Variants in PTPRG observed in about 807,000 individuals in gnomAD.
PTPRG encodes the protein protein tyrosine phosphatase receptor type G.
PTPRG carries 102 observed loss-of-function variants against 165.3 expected under a neutral mutation model. That is an observed-to-expected ratio of 0.62 (90% CI 0.53 to 0.73). The LOEUF is 0.73. Among genes scored for constraint, PTPRG ranks in the 30% least tolerant of loss-of-function variants. The pLI, the probability that PTPRG is intolerant of heterozygous loss-of-function variation, is 0.00. For synonymous variants in PTPRG, 675 were observed against 669.5 expected (o/e 1.01, Z -0.13); for missense variants, 1,866 against 1,861.4 (o/e 1.00, Z -0.05).
At chr3:61,584,043 G>T (rs911026443) in intron 1 of PTPRG, among the ~76,000 whole-genome samples, 4 of 152,150 alleles carry the variant, frequency 2.6e-5, no homozygotes, top group African/African-American at 9.7e-5. Context: ...TCTTTGTTTG[G>T]TTTTTCGAGT....
chr3:62,007,242 A>G (rs1252568274), intron 4 of PTPRG, among the ~76,000 whole-genome samples: 3 of 152,266 alleles, frequency 2.0e-5, no homozygotes, highest in Admixed American at 1.3e-4. Context: ...CTTTGAGGTC[A>G]TCTGAGACAA....
At chr3:61,595,993 TC>T (rs1700690868) in intron 1 of PTPRG, among the ~76,000 whole-genome samples, 1 of 152,150 alleles carries the variant, frequency 6.6e-6, no homozygotes, top group African/African-American at 2.4e-5. Context: ...TAGCCTACGT[TC>T]AAGGCAAAAA....
chr3:61,608,636 G>A (rs1701080529), intron 1 of PTPRG, among the ~76,000 whole-genome samples: 1 of 152,220 alleles, frequency 6.6e-6, no homozygotes, highest in South Asian at 2.1e-4. Flanking sequence ...TCAATCAGCT[G>A]GCTCTGGAAG....
chr3:62,281,538 C>CTTGTTTTTTTTTTTTTTTTTTTTTTT lies in PTPRG; in HGVS notation c.3766-23_3766-22insGTTTTTTTTTTTTTTTTTTTTTTTTT. ...CAAATCCTTGACAGAACTGCAGAGGCTTTTTTTTTTTTTGGATTCCAAAGG... is the reference window on the plus strand; with the variant it reads ...CAAATCCTTGACAGAACTGCAGAGGCTTGTTTTTTTTTTTTTTTTTTTTTTTTTTTTTTTTTTTTGGATTCCAAAGG... On this transcript the variant is annotated intron_variant, in intron 26 of 29. Transcript: ENST00000474889. 1.3e-5 allele frequency: 8 copies of CTTGTTTTTTTTTTTTTTTTTTTTTTT among 620,524 alleles called. 2 individuals are homozygous for CTTGTTTTTTTTTTTTTTTTTTTTTTT. Among genetic ancestry groups the CTTGTTTTTTTTTTTTTTTTTTTTTTT allele is most frequent in the East Asian group, 2.3e-4 (2 of 8,878 alleles). The allele number at this position is 620,524 out of a possible 1,614,324, so 38.4% of individuals were successfully genotyped here.
chr3:62,290,567 T>C (rs1035694895), intron 28 of PTPRG, among the ~76,000 whole-genome samples: 10 of 151,602 alleles, frequency 6.6e-5, no homozygotes. Flanking sequence ...CGTGGGGAGG[T>C]ACAAAAAATA....
intron 2 of PTPRG, among the ~76,000 whole-genome samples, chr3:61,839,507 C>A (rs1443717344): frequency 3.3e-5 from 5 of 152,180 alleles, no homozygotes; most frequent in African/African-American, 9.7e-5. Context: ...GAAGGACCAG[C>A]TCCAAGAGCC....
At chr3:61,953,793 TGTGTATGTAGAGTAAGAAGTTC>T (rs1192697793) in intron 2 of PTPRG, among the ~76,000 whole-genome samples, 1 of 152,198 alleles carries the variant, frequency 6.6e-6, no homozygotes, top group East Asian at 1.9e-4. Context: ...AAAACCCTTC[TGTGTATGTAGAGTAAGAAGTTC>T]TACTCTAAAG....
intron 1 of PTPRG, among the ~76,000 whole-genome samples, chr3:61,608,909 A>C (rs1701087511): frequency 6.6e-6 from 1 of 152,202 alleles, no homozygotes; most frequent in African/African-American, 2.4e-5. Flanking sequence ...ATAATACTCC[A>C]TCTGAGGTCT....
chr3:62,065,076 G>A (rs1052852852), intron 4 of PTPRG, among the ~76,000 whole-genome samples: 3 of 148,198 alleles, frequency 2.0e-5, no homozygotes, highest in Non-Finnish European at 4.5e-5. Context: ...CCATCCAATG[G>A]TAAAAAATAA....
At chr3:62,253,889 T>G (rs1173099607) in intron 15 of PTPRG, among the ~76,000 whole-genome samples, 1 of 152,214 alleles carries the variant, frequency 6.6e-6, no homozygotes, top group Non-Finnish European at 1.5e-5. Context: ...TAAGTAACAT[T>G]TCTATGCTAA....
intron 1 of PTPRG, among the ~76,000 whole-genome samples, chr3:61,702,693 G>A (rs1318954455): frequency 6.6e-6 from 1 of 152,108 alleles, no homozygotes; most frequent in African/African-American, 2.4e-5. Flanking sequence ...CCCCCCACCA[G>A]GTAACCACTA....
intron 2 of PTPRG, among the ~76,000 whole-genome samples, chr3:61,878,584 C>G (rs1575746089): frequency 6.6e-6 from 1 of 152,302 alleles, no homozygotes; most frequent in East Asian, 1.9e-4. Flanking sequence ...GCCTCAACCT[C>G]CTAGGCTCAA....
rs572493929 is a variant in PTPRG at position 62,047,727 on chromosome 3, A to G, written c.520-30436A>G. On this transcript the variant is annotated intron_variant, in intron 4 of 29. Transcript: ENST00000474889. ...GCTGGATGTCAATGCTGAGCTCCTC[A>G]GAGATAGTACATGCCTCAGGATGGT... Among the ~76,000 whole-genome samples, 7 of 152,304 alleles carry G rather than the reference A, an allele frequency of 4.6e-5. No individual in the cohort carries two copies. The East Asian group carries it at 1.3e-3, about 29-fold the overall frequency.
At chr3:61,918,471 G>A (rs1459749743) in intron 2 of PTPRG, among the ~76,000 whole-genome samples, 3 of 152,018 alleles carry the variant, frequency 2.0e-5, no homozygotes, top group Non-Finnish European at 2.9e-5. Flanking sequence ...AGATACTGTT[G>A]GGTGTTTGAG....
chr3:61,945,023 A>G (rs1377854499), intron 2 of PTPRG, among the ~76,000 whole-genome samples: 1 of 152,210 alleles, frequency 6.6e-6, no homozygotes, highest in Non-Finnish European at 1.5e-5. Context: ...AGGTCTCTGC[A>G]CAGTGGGTGT....
At chr3:61,869,688 C>G (rs568326070) in intron 2 of PTPRG, among the ~76,000 whole-genome samples, 2 of 152,000 alleles carry the variant, frequency 1.3e-5, no homozygotes, top group Non-Finnish European at 2.9e-5. Context: ...AACTGATCTT[C>G]CCCCCTCAGC....
intron 8 of PTPRG, among the ~76,000 whole-genome samples, chr3:62,187,962 A>G (rs1445498411): frequency 6.6e-6 from 1 of 152,216 alleles, no homozygotes; most frequent in African/African-American, 2.4e-5. Flanking sequence ...AGCTTAACTC[A>G]GTATTTTTTA....
At chr3:61,752,090 G>C (rs187086847) in intron 2 of PTPRG, among the ~76,000 whole-genome samples, 1 of 152,050 alleles carries the variant, frequency 6.6e-6, no homozygotes, top group Non-Finnish European at 1.5e-5. Context: ...TATTACTTTT[G>C]CTGCAATTAA....
intron 2 of PTPRG, among the ~76,000 whole-genome samples, chr3:61,864,586 G>C (rs556144823): frequency 1.6e-4 from 25 of 152,170 alleles, no homozygotes; most frequent in Non-Finnish European, 3.5e-4. Context: ...ATCAAGTTCA[G>C]CTTTGCATGG....
Sources: gnomAD v4.1 joint callset for allele counts (sites outside exome capture counted in the v4.1 genomes callset) on GRCh38, gnomAD v4.1.1 for gene constraint, MANE v1.5 for transcripts, NCBI Gene and HGNC (gene_info 2026-07-23, HGNC 2026-07-21) for gene names.